The following TRAK2 variants were observed in gnomAD, a reference collection of about 807,000 sequenced individuals.
The protein encoded by TRAK2 is trafficking kinesin protein 2.
Under a neutral mutation model 104.6 loss-of-function variants are expected in TRAK2, and 81 were observed. The observed-to-expected ratio is 0.77, with a 90% confidence interval of 0.65 to 0.93. The LOEUF (loss-of-function observed/expected upper bound fraction) is 0.93, where lower values mean the gene tolerates loss of function less well. TRAK2 is among the 40% of genes least tolerant of loss of function. The pLI, the probability that TRAK2 is intolerant of heterozygous loss-of-function variation, is 0.00. For missense variants in TRAK2, 1,002 were observed against 1,089.0 expected (o/e 0.92, Z 1.12); for synonymous variants, 406 against 394.4 (o/e 1.03, Z -0.35).
Position 201,399,435 on chromosome 2 carries a change from T to A in TRAK2, c.422A>T (p.His141Leu), listed in dbSNP as rs767419802. 1 of 1,612,740 alleles carries A rather than the reference T, an allele frequency of 6.2e-7. No individual in the cohort carries two copies. The highest frequency in any genetic ancestry group is 1.1e-5 in the South Asian group (1 of 90,948). Reference sequence around the variant, plus strand: ...GGATTCGTTCTGCTCAGATAAGACATGGTTCCGCTTTAAGAGAGCTTGTCC... The same window carrying A: ...GGATTCGTTCTGCTCAGATAAGACAAGGTTCCGCTTTAAGAGAGCTTGTCC... ...RIGQALLKRN[H>L]VLSEQNESLE... The change falls in exon 5 of 16, where the codon CAT (histidine) becomes CTT (leucine). Residue 141 changes from histidine (H) to leucine (L), a missense_variant. Physicochemically the swap from His to Leu is moderately conservative, Grantham distance 99. Transcript: ENST00000332624.
At chr2:201,407,718 C>A (rs890379421) in intron 2 of TRAK2, 121 bp from the exon 3 acceptor site, 13 of 779,448 alleles carry the variant, frequency 1.7e-5, no homozygotes, top group East Asian at 1.5e-4. Context: ...TAGACAAGAT[C>A]ATTTCTCCAC....
intron 2 of TRAK2, chr2:201,412,917 G>A (rs1289897813): frequency 1.3e-6 from 1 of 786,428 alleles, no homozygotes; most frequent in Non-Finnish European, 2.3e-6. Flanking sequence ...GATTTTCCCA[G>A]TTACCAAGAA....
At position 201,387,809 on chromosome 2, in the gene TRAK2, GCT is replaced by G; in HGVS notation, c.1588_1589del (p.Ser530ProfsTer35). ...GVSGCVTPTE[S>X]LASLCTTQSE... Reference sequence around the variant, plus strand: ...ACTGGGTGGTGCAGAGAGAGGCAAGGCTCTCTGTCGGGGTGACACAGCCACTA... The same window carrying G: ...ACTGGGTGGTGCAGAGAGAGGCAAGGCTCTGTCGGGGTGACACAGCCACTA... On this transcript the variant is annotated frameshift_variant, in exon 13 of 16. Transcript: ENST00000332624. LOFTEE classifies it high-confidence loss of function. 1 of 1,614,114 alleles carries G rather than the reference GCT, an allele frequency of 6.2e-7. No homozygotes were observed. The highest frequency in any genetic ancestry group is 8.5e-7 in the Non-Finnish European group (1 of 1,179,938).
At position 201,399,397 on chromosome 2, in the gene TRAK2, A is replaced by C; in HGVS notation, c.460T>G (p.Leu154Val). 1 of 1,611,064 alleles carries C rather than the reference A, an allele frequency of 6.2e-7. No homozygotes were observed. The highest frequency in any genetic ancestry group is 1.1e-5 in the South Asian group (1 of 90,768). ...CTTACTTGATCAAAGGCTTGTCCCAATTGCTCCTCCAGGGATTCGTTCTGC... is the reference window on the plus strand; with the variant it reads ...CTTACTTGATCAAAGGCTTGTCCCACTTGCTCCTCCAGGGATTCGTTCTGC... ...SEQNESLEEQ[L>V]GQAFDQVNQL... is the part of the protein sequence containing the mutation. The change falls in exon 5 of 16, where the codon TTG (leucine) becomes GTG (valine). Residue 154 changes from leucine (L) to valine (V), a missense_variant. By Grantham distance (32) the Leu-to-Val change is conservative. Transcript: ENST00000332624.
At chr2:201,410,309 A>C (rs1461675742) in intron 2 of TRAK2, among the ~76,000 whole-genome samples, 1 of 152,108 alleles carries the variant, frequency 6.6e-6, no homozygotes, top group East Asian at 1.9e-4. Context: ...CCGTCTCAAA[A>C]AAAAAAAACA....
intron 9 of TRAK2, among the ~76,000 whole-genome samples, chr2:201,394,576 G>C (rs931997423): frequency 4.0e-5 from 6 of 151,514 alleles, no homozygotes; most frequent in African/African-American, 7.3e-5. Context: ...CCTGACCTCA[G>C]GTGATCCACC....
Position 201,398,329 on chromosome 2 carries a change from C to G in TRAK2, c.506G>C (p.Cys169Ser), listed in dbSNP as rs2125645948. The change falls in exon 6 of 16, where the codon TGC becomes TCC. Residue 169 changes from cysteine to serine, a missense_variant. Cys to Ser is a moderately radical substitution (Grantham distance 112). Transcript: ENST00000332624. The part of the protein sequence containing the change: ...DQVNQLQHEL[C>S]KKDELLRIVS... ...GATTCGAAGTAACTCATCTTTCTTG[C>G]ATAGCTCATGCTGCAGCTGATTAAC... The G allele has an allele frequency of 1.9e-6, 3 of 1,613,534 alleles. No homozygotes were observed. The highest frequency in any genetic ancestry group is 2.5e-6 in the Non-Finnish European group (3 of 1,179,592).
chr2:201,411,905 G>A (rs1559446774), intron 2 of TRAK2: 8 of 1,039,942 alleles, frequency 7.7e-6, no homozygotes, highest in Non-Finnish European at 1.2e-5. Context: ...TGCAAAGGTT[G>A]GAATGATGTT....
chr2:201,396,512 T>C (rs757651726), intron 7 of TRAK2, among the ~76,000 whole-genome samples: 6 of 152,210 alleles, frequency 3.9e-5, no homozygotes, highest in Non-Finnish European at 8.8e-5. Flanking sequence ...CTGAACTCTA[T>C]ACTGTATATA....
Position 201,399,387 on chromosome 2 carries a change from G to C in TRAK2, c.470C>G (p.Ala157Gly), listed in dbSNP as rs1485383344. The C allele has an allele frequency of 1.2e-6, 2 of 1,606,688 alleles. No homozygotes were observed. The highest frequency in any genetic ancestry group is 1.7e-6 in the Non-Finnish European group (2 of 1,173,880). The change falls in exon 5 of 16, where the codon GCC (alanine) becomes GGC (glycine). Residue 157 changes from alanine (A) to glycine (G), a missense_variant. By Grantham distance (60) the Ala-to-Gly change is moderately conservative (BLOSUM62 0). Transcript: ENST00000332624. ...NESLEEQLGQAFDQVNQLQHE... is the reference protein window; with the variant it reads ...NESLEEQLGQGFDQVNQLQHE... ...TGATCAAAGGCTTACTTGATCAAAGGCTTGTCCCAATTGCTCCTCCAGGGA... is the reference window on the plus strand; with the variant it reads ...TGATCAAAGGCTTACTTGATCAAAGCCTTGTCCCAATTGCTCCTCCAGGGA...
chr2:201,445,343 G>A (rs776812777), intron 1 of TRAK2, among the ~76,000 whole-genome samples: 2 of 152,078 alleles, frequency 1.3e-5, no homozygotes, highest in Non-Finnish European at 1.5e-5. Flanking sequence ...AATGCCACTT[G>A]AATTAAACCA....
chr2:201,407,807 G>A (rs1261229718), intron 2 of TRAK2, among the ~76,000 whole-genome samples: 1 of 150,864 alleles, frequency 6.6e-6, no homozygotes, highest in African/African-American at 2.4e-5. Context: ...AACTTCTAAA[G>A]TAAAAATGAT....
Position 201,379,165 on chromosome 2 carries a change from C to T in TRAK2, c.*1378G>A, listed in dbSNP as rs570837103. ...ACTGCGTGCTGTCTAGACAAAGCCACGTCATCTGATGAGAAGCAGACTTTG... is the reference window on the plus strand; with the variant it reads ...ACTGCGTGCTGTCTAGACAAAGCCATGTCATCTGATGAGAAGCAGACTTTG... On this transcript the variant is annotated 3_prime_UTR_variant, in exon 16 of 16. Coordinates refer to ENST00000332624, the MANE Select transcript of TRAK2 (RefSeq NM_015049.3). 3 of 152,292 alleles carry T rather than the reference C, an allele frequency of 2.0e-5. No homozygotes were observed. Among genetic ancestry groups the T allele is most frequent in the African/African-American group, 7.2e-5 (3 of 41,552 alleles). The allele number at this position is 152,292 out of a possible 1,614,324, so 9.4% of individuals were successfully genotyped here.
At chr2:201,412,091 GGT>G (rs1951652163) in intron 2 of TRAK2, 2 of 1,107,988 alleles carry the variant, frequency 1.8e-6, no homozygotes, top group Non-Finnish European at 2.8e-6. Context: ...GCCAAGTTCA[GGT>G]GGAATTAATG....
chr2:201,398,266 C>A lies in TRAK2; in HGVS notation c.569G>T (p.Ser190Ile). The A allele has an allele frequency of 6.2e-7, 1 of 1,613,762 alleles. No individual in the cohort carries two copies. The highest frequency in any genetic ancestry group is 2.2e-5 in the East Asian group (1 of 44,872). The change falls in exon 6 of 16, where the codon AGC becomes ATC. Residue 190 changes from serine to isoleucine, a missense_variant. Physicochemically the swap from Ser to Ile is moderately radical, Grantham distance 142 (BLOSUM62 -2). Coordinates refer to ENST00000332624, the MANE Select transcript of TRAK2 (RefSeq NM_015049.3). ...ATTGAACCGAAGAGGTGTAGAACAG[C>A]TGGAATCAGTTTCACTTTCTTCAGA... is the stretch of plus-strand genomic sequence containing the variant. ...IASEESETDS[S>I]CSTPLRFNES...
intron 2 of TRAK2, chr2:201,411,936 G>A (rs1371117055): frequency 2.0e-6 from 2 of 995,022 alleles, no homozygotes; most frequent in Non-Finnish European, 3.3e-6. Context: ...TCCTGGTATT[G>A]AATGGAAGGA....
intron 2 of TRAK2, among the ~76,000 whole-genome samples, chr2:201,408,168 G>A (rs191098430): frequency 1.3e-5 from 2 of 152,152 alleles, no homozygotes; most frequent in East Asian, 3.9e-4. Flanking sequence ...CTAGCCTCTA[G>A]TAACCACTAT....
chr2:201,450,023 C>T (rs895730516), intron 1 of TRAK2, among the ~76,000 whole-genome samples: 9 of 152,102 alleles, frequency 5.9e-5, no homozygotes, highest in Non-Finnish European at 8.8e-5. Flanking sequence ...AAACCTCTTC[C>T]ATCATATGAA....
chr2:201,395,221 G>GT, intron 8 of TRAK2, 93 bp downstream of exon 8: 1 of 1,095,764 alleles, frequency 9.1e-7, no homozygotes, highest in Non-Finnish European at 1.3e-6. Flanking sequence ...CAGGGACAAT[G>GT]TTTATTTTGT....
Sources: allele counts gnomAD v4.1 joint callset (sites outside exome capture counted in the v4.1 genomes callset), GRCh38; gene constraint gnomAD v4.1.1; transcripts MANE v1.5; gene names NCBI Gene and HGNC (gene_info 2026-07-23, HGNC 2026-07-21).